The following FAM124A variants were observed in gnomAD, a reference collection of about 807,000 sequenced individuals.
FAM124A encodes the protein family with sequence similarity 124 member A, also known as protein FAM124A.
FAM124A carries 23 observed loss-of-function variants against 24.5 expected under a neutral mutation model. The ratio of observed to expected loss-of-function variants is 0.94; its 90% CI spans 0.68 to 1.33. The LOEUF (loss-of-function observed/expected upper bound fraction) is 1.33. Ranked by LOEUF, FAM124A falls within the 40% of genes most tolerant of loss-of-function variation. The pLI, the probability that FAM124A is intolerant of heterozygous loss-of-function variation, is 0.00. For synonymous variants in FAM124A, 287 were observed against 314.7 expected (o/e 0.91, Z 0.93); for missense variants, 623 against 722.8 (o/e 0.86, Z 1.58).
intron 2 of FAM124A, among the ~76,000 whole-genome samples, chr13:51,250,430 C>A (rs997428242): frequency 4.6e-5 from 7 of 152,182 alleles, no homozygotes; most frequent in African/African-American, 1.7e-4. Context: ...GCAAATAGAA[C>A]CATCTTTTAA....
chr13:51,257,407 A>G (rs1350896111), intron 3 of FAM124A, among the ~76,000 whole-genome samples: 1 of 152,228 alleles, frequency 6.6e-6, no homozygotes, highest in African/African-American at 2.4e-5. Flanking sequence ...AGAAAGTGAC[A>G]GTGGTTGGAA....
chr13:51,281,373 T>C lies in FAM124A; in HGVS notation c.*117T>C. ...TCATGATCCATTTCCCAGGAGCCCG[T>C]AGCACATTTGCCTACCACCCACTCT... On this transcript the variant is annotated 3_prime_UTR_variant, in exon 4 of 4. Coordinates refer to ENST00000322475, the MANE Select transcript of FAM124A (RefSeq NM_001242312.2). 1 of 1,079,054 alleles carries C rather than the reference T, an allele frequency of 9.3e-7. No homozygotes were observed. The highest frequency in any genetic ancestry group is 2.7e-5 in the East Asian group (1 of 37,616). The allele number at this position is 1,079,054 out of a possible 1,614,324, so 66.8% of individuals were successfully genotyped here. A position where few individuals can be genotyped will look rare whatever the true frequency, so the allele number is the denominator to read the frequency against.
At chr13:51,245,658 C>CA (rs1866919114) in intron 2 of FAM124A, among the ~76,000 whole-genome samples, 4 of 152,282 alleles carry the variant, frequency 2.6e-5, no homozygotes, top group Admixed American at 2.6e-4. Context: ...AGTGAGAGGA[C>CA]ATAGTGGTGA....
rs1258878128 is a variant in FAM124A at position 51,252,119 on chromosome 13, C to A, written c.752C>A (p.Pro251His). The change falls in exon 3 of 4, where the codon CCT becomes CAT. Residue 251 changes from proline to histidine, a missense_variant. Transcript: ENST00000322475. ...GTGAGGGACATAGGCGAGCTCGTGC[C>A]TCTCCTGCCCAACCCTTGCAGCCCC... ...FRVRDIGELV[P>H]LLPNPCSPIS... is the part of the protein sequence containing the mutation. The A allele has an allele frequency of 1.9e-6, 3 of 1,613,940 alleles. No homozygotes were observed. The highest frequency in any genetic ancestry group is 2.5e-6 in the Non-Finnish European group (3 of 1,180,044).
chr13:51,268,935 C>T (rs1330638482), intron 3 of FAM124A, among the ~76,000 whole-genome samples: 1 of 152,216 alleles, frequency 6.6e-6, no homozygotes, highest in Non-Finnish European at 1.5e-5. Flanking sequence ...AAGAGAGATG[C>T]ACAATCCAAC....
At chr13:51,247,990 A>T (rs1254598573) in intron 2 of FAM124A, among the ~76,000 whole-genome samples, 1 of 152,246 alleles carries the variant, frequency 6.6e-6, no homozygotes, top group Non-Finnish European at 1.5e-5. Flanking sequence ...GTTCCTAGCC[A>T]TCATGATGAA....
intron 3 of FAM124A, among the ~76,000 whole-genome samples, chr13:51,267,170 G>A (rs1954792824): frequency 6.6e-6 from 1 of 152,130 alleles, no homozygotes; most frequent in Non-Finnish European, 1.5e-5. Context: ...TTGGTTACTT[G>A]AATCAAGCCA....
At chr13:51,243,444 T>C (rs1284971346) in intron 2 of FAM124A, among the ~76,000 whole-genome samples, 4 of 152,192 alleles carry the variant, frequency 2.6e-5, no homozygotes, top group African/African-American at 4.8e-5. Flanking sequence ...TGCCTCAATG[T>C]GGGGAGGCTA....
rs772443360 is a variant in FAM124A at position 51,251,897 on chromosome 13, A to G, written c.530A>G (p.Tyr177Cys). 5 of 1,614,094 alleles carry G rather than the reference A, an allele frequency of 3.1e-6. No individual in the cohort carries two copies. The highest frequency in any genetic ancestry group is 4.2e-6 in the Non-Finnish European group (5 of 1,180,026). ...YGKEIVRFTV[Y>C]CRYDNYADSL... Reference sequence around the variant, plus strand: ...AAGGAAATCGTGCGCTTCACCGTCTACTGTCGCTACGACAACTATGCTGAC... The same window carrying G: ...AAGGAAATCGTGCGCTTCACCGTCTGCTGTCGCTACGACAACTATGCTGAC... The change falls in exon 3 of 4, where the codon TAC (tyrosine) becomes TGC (cysteine). Residue 177 changes from tyrosine to cysteine, a missense_variant. Tyr to Cys is a radical substitution (Grantham distance 194, BLOSUM62 -2). Transcript: ENST00000322475. The surrounding 1 kb of genome is among the most constrained non-coding windows in gnomAD (Gnocchi z 5.3).
At chr13:51,262,824 G>T (rs1461158149) in intron 3 of FAM124A, among the ~76,000 whole-genome samples, 1 of 152,138 alleles carries the variant, frequency 6.6e-6, no homozygotes, top group Non-Finnish European at 1.5e-5. Context: ...TCTGGAAGGG[G>T]GCATGTGTGA....
rs745669720 is a variant in FAM124A at position 51,280,626 on chromosome 13, T to C, written c.1011T>C (p.Pro337=). The part of the protein sequence containing the change: ...HPGPIRTGLP[P]GHQQEFAGRA... Reference sequence around the variant, plus strand: ...GGCCCATCCGGACAGGCCTGCCTCCTGGGCACCAGCAGGAATTTGCCGGAC... The same window carrying C: ...GGCCCATCCGGACAGGCCTGCCTCCCGGGCACCAGCAGGAATTTGCCGGAC... Residue 337 remains proline (P), a synonymous_variant, in exon 4 of 4, where the codon CCT becomes CCC. Coordinates refer to ENST00000322475, the MANE Select transcript of FAM124A (RefSeq NM_001242312.2). 1.9e-6 allele frequency: 3 copies of C among 1,614,194 alleles called. No individual in the cohort carries two copies. The highest frequency in any genetic ancestry group is 2.2e-5 in the South Asian group (2 of 91,078).
chr13:51,278,917 A>C (rs1954910078), intron 3 of FAM124A, among the ~76,000 whole-genome samples: 1 of 152,214 alleles, frequency 6.6e-6, no homozygotes, highest in Non-Finnish European at 1.5e-5. Context: ...CATTCCTTGC[A>C]TGGGAACCTT....
intron 2 of FAM124A, among the ~76,000 whole-genome samples, chr13:51,238,658 C>A (rs184922342): frequency 6.6e-6 from 1 of 152,242 alleles, no homozygotes; most frequent in Admixed American, 6.5e-5. Flanking sequence ...GCAGCCTTAC[C>A]TGTTGGACCA....
intron 3 of FAM124A, among the ~76,000 whole-genome samples, chr13:51,275,007 C>A (rs574728478): frequency 1.4e-4 from 21 of 152,316 alleles, no homozygotes; most frequent in Admixed American, 1.1e-3. Flanking sequence ...TCTGTCCTCC[C>A]TGTGGTCATC....
At chr13:51,256,064 G>A (rs1954671658) in intron 3 of FAM124A, among the ~76,000 whole-genome samples, 1 of 152,200 alleles carries the variant, frequency 6.6e-6, no homozygotes, top group South Asian at 2.1e-4. Flanking sequence ...CAGCCTGGTA[G>A]GAACACAGGC....
chr13:51,234,291 T>G (rs1005864740), intron 2 of FAM124A, among the ~76,000 whole-genome samples: 1 of 152,222 alleles, frequency 6.6e-6, no homozygotes, highest in Non-Finnish European at 1.5e-5. Flanking sequence ...GTTGCCTGTT[T>G]GTCCACAGCT....
At chr13:51,264,886 TAAGAA>T (rs1954770148) in intron 3 of FAM124A, among the ~76,000 whole-genome samples, 1 of 152,228 alleles carries the variant, frequency 6.6e-6, no homozygotes, top group South Asian at 2.1e-4. Context: ...GCTTTGATGC[TAAGAA>T]TCATTTTTCC....
rs994356218 is a variant in FAM124A at position 51,272,161 on chromosome 13, G to C, written c.835-8289G>C. 1.3e-5 allele frequency among the ~76,000 whole-genome samples: 2 copies of C among 152,106 alleles called. No homozygotes were observed. Among genetic ancestry groups the C allele is most frequent in the Non-Finnish European group, 2.9e-5 (2 of 68,020 alleles). On this transcript the variant is annotated intron_variant, in intron 3 of 3. Transcript: ENST00000322475. This position sits in a 1 kb window ranked among gnomAD's most constrained non-coding sequence, Gnocchi z 4.2. ...CCACTTCCCTCTTCAAGGCAGGCTG[G>C]GTGGCCCAGTTCAGCAAAACCAGAA... is the stretch of plus-strand genomic sequence containing the variant.
intron 3 of FAM124A, among the ~76,000 whole-genome samples, chr13:51,267,821 G>A (rs754595374): frequency 1.3e-5 from 2 of 152,156 alleles, no homozygotes; most frequent in African/African-American, 2.4e-5. Flanking sequence ...CCTTTACTGA[G>A]AGCCTCCTAC....
Sources: gnomAD v4.1 joint callset for allele counts (sites outside exome capture counted in the v4.1 genomes callset) on GRCh38, gnomAD v4.1.1 for gene constraint, Gnocchi (gnomAD v3.1) non-coding constraint, MANE v1.5 for transcripts, NCBI Gene and HGNC (gene_info 2026-07-23, HGNC 2026-07-21) for gene names.